CAMK4: variants seen among roughly 807,000 people sequenced by gnomAD.
The protein encoded by CAMK4 is calcium/calmodulin-dependent protein kinase type IV.
CAMK4 carries 22 observed loss-of-function variants against 44.9 expected under a neutral mutation model. The observed-to-expected ratio is 0.49, with a 90% confidence interval of 0.35 to 0.70. The LOEUF is 0.70. CAMK4 is among the 30% of genes least tolerant of loss of function. CAMK4 has a pLI of 0.01. For synonymous variants in CAMK4, 218 were observed against 215.4 expected (o/e 1.01, Z -0.11); for missense variants, 498 against 586.8 (o/e 0.85, Z 1.56).
chr5:111,321,946 C>T (rs1748680775), intron 1 of CAMK4, among the ~76,000 whole-genome samples: 1 of 151,952 alleles, frequency 6.6e-6, no homozygotes, highest in African/African-American at 2.4e-5. Flanking sequence ...ATTATTTTCC[C>T]TTCTGTAACA....
At chr5:111,425,699 A>G (rs1753201901) in intron 5 of CAMK4, among the ~76,000 whole-genome samples, 1 of 152,210 alleles carries the variant, frequency 6.6e-6, no homozygotes, top group African/African-American at 2.4e-5. Flanking sequence ...GAATTTATTA[A>G]CTTATTAGCT....
intron 7 of CAMK4, among the ~76,000 whole-genome samples, chr5:111,468,869 T>G (rs535811114): frequency 1.3e-5 from 2 of 151,828 alleles, no homozygotes; most frequent in Non-Finnish European, 2.9e-5. Flanking sequence ...TCACAGCTAC[T>G]CAGGAGGCAG....
intron 5 of CAMK4, among the ~76,000 whole-genome samples, chr5:111,406,165 C>T (rs2112884779): frequency 6.7e-6 from 1 of 149,104 alleles, no homozygotes; most frequent in South Asian, 2.1e-4. Context: ...TCTTTCTCTT[C>T]CACTCCTGTT....
intron 4 of CAMK4, among the ~76,000 whole-genome samples, chr5:111,386,100 A>G (rs1301978735): frequency 6.6e-6 from 1 of 152,208 alleles, no homozygotes; most frequent in African/African-American, 2.4e-5. Flanking sequence ...TTTGAAAAGT[A>G]TATGAACTTG....
intron 4 of CAMK4, 110 bp downstream of exon 4, chr5:111,377,052 T>G (rs1751239196): frequency 9.4e-6 from 6 of 641,004 alleles, no homozygotes; most frequent in South Asian, 6.8e-5. Context: ...TTATACTTGT[T>G]GATAAATACT....
At chr5:111,345,067 T>C (rs546631295) in intron 2 of CAMK4, among the ~76,000 whole-genome samples, 11 of 150,128 alleles carry the variant, frequency 7.3e-5, no homozygotes, top group Non-Finnish European at 1.3e-4. Flanking sequence ...CCAAGGAATT[T>C]TTTTTCCTCA....
chr5:111,325,824 A>T (rs577493101), intron 1 of CAMK4, among the ~76,000 whole-genome samples: 1 of 152,010 alleles, frequency 6.6e-6, no homozygotes, highest in East Asian at 1.9e-4. Flanking sequence ...CATTCTGTAG[A>T]TTGCCTGTTC....
At chr5:111,448,999 C>T (rs1036550637) in intron 6 of CAMK4, 130 bp from the exon 7 acceptor site, 9 of 512,550 alleles carry the variant, frequency 1.8e-5, no homozygotes, top group Non-Finnish European at 3.2e-5. Context: ...TTCCCACCCA[C>T]CTTCACCCCA....
intron 5 of CAMK4, among the ~76,000 whole-genome samples, chr5:111,421,974 C>T (rs554508243): frequency 3.3e-5 from 5 of 152,322 alleles, no homozygotes; most frequent in Admixed American, 1.3e-4. Flanking sequence ...CTTTGTTCTT[C>T]CTTCGCCTTC....
chr5:111,443,313 C>CTATATATATAT (rs1753907785), intron 5 of CAMK4, among the ~76,000 whole-genome samples: 2 of 116,594 alleles, frequency 1.7e-5, no homozygotes, highest in African/African-American at 3.2e-5. Flanking sequence ...CACACACACA[C>CTATATATATAT]ACTATATATA....
intron 7 of CAMK4, among the ~76,000 whole-genome samples, chr5:111,450,874 A>G (rs928747859): frequency 1.3e-5 from 2 of 152,040 alleles, no homozygotes; most frequent in African/African-American, 4.8e-5. Context: ...GAAAGCCACC[A>G]TGGAAACATA....
intron 5 of CAMK4, among the ~76,000 whole-genome samples, chr5:111,434,023 G>A (rs1265777156): frequency 1.3e-5 from 2 of 152,118 alleles, no homozygotes; most frequent in South Asian, 2.1e-4. Flanking sequence ...CTGGCCTTGC[G>A]CGGTGGCTCA....
chr5:111,322,484 A>C (rs974736191), intron 1 of CAMK4, among the ~76,000 whole-genome samples: 2 of 152,194 alleles, frequency 1.3e-5, no homozygotes, highest in African/African-American at 4.8e-5. Flanking sequence ...GATCAAAAGG[A>C]TTTATCAGCA....
chr5:111,367,809 C>T (rs1477740573), intron 2 of CAMK4, among the ~76,000 whole-genome samples: 2 of 152,090 alleles, frequency 1.3e-5, no homozygotes, highest in Non-Finnish European at 2.9e-5. Context: ...CCCCTTCTTC[C>T]TTCTTCCTAT....
chr5:111,344,184 G>A, intron 2 of CAMK4, 82 bp downstream of exon 2: 2 of 813,618 alleles, frequency 2.5e-6, no homozygotes, highest in Non-Finnish European at 4.1e-6. Context: ...AGAACAAAGG[G>A]GCCAGAGAGC....
At chr5:111,480,393 C>G (rs919871059) in intron 9 of CAMK4, among the ~76,000 whole-genome samples, 6 of 152,002 alleles carry the variant, frequency 3.9e-5, no homozygotes, top group African/African-American at 1.5e-4. Flanking sequence ...TTGGTTCCTT[C>G]TGCCAAAATC....
intron 5 of CAMK4, among the ~76,000 whole-genome samples, chr5:111,398,125 A>G (rs1489904093): frequency 6.6e-6 from 1 of 152,158 alleles, no homozygotes; most frequent in African/African-American, 2.4e-5. Flanking sequence ...CTTCCAACCA[A>G]TAGTCTCTAC....
chr5:111,264,283 C>A (rs1460262179), intron 1 of CAMK4, among the ~76,000 whole-genome samples: 3 of 152,082 alleles, frequency 2.0e-5, no homozygotes, highest in Admixed American at 1.3e-4. Context: ...TGGCTCTGTT[C>A]CATGTGCAGT....
intron 5 of CAMK4, among the ~76,000 whole-genome samples, chr5:111,440,360 C>A (rs1753781817): frequency 6.6e-6 from 1 of 152,174 alleles, no homozygotes; most frequent in South Asian, 2.1e-4. Context: ...TTATCAATGA[C>A]AAATATTATT....
Sources: allele counts gnomAD v4.1 joint callset (sites outside exome capture counted in the v4.1 genomes callset), GRCh38; gene constraint gnomAD v4.1.1; transcripts MANE v1.5; gene names NCBI Gene and HGNC (gene_info 2026-07-23, HGNC 2026-07-21).